RSF1: variants seen among roughly 807,000 people sequenced by gnomAD.
The protein encoded by RSF1 is remodeling and spacing factor 1, also known as HBV pX-associated protein 8.
RSF1 carries 13 observed loss-of-function variants against 145.2 expected under a neutral mutation model. That is an observed-to-expected ratio of 0.09 (90% confidence interval 0.06 to 0.14). RSF1 has a LOEUF of 0.14. Ranked by LOEUF, RSF1 falls within the 10% of genes least tolerant of loss-of-function variation. The pLI, the probability that RSF1 is intolerant of heterozygous loss-of-function variation, is 1.00. For synonymous variants in RSF1, 577 were observed against 592.6 expected (o/e 0.97, Z 0.38); for missense variants, 1,517 against 1,718.2 (o/e 0.88, Z 2.07).
chr11:77,674,477 G>A lies in RSF1; in HGVS notation c.3562+559C>T, dbSNP rs1339480774. On this transcript the variant is annotated intron_variant, in intron 14 of 15. Transcript: ENST00000308488. ...CAACAGCTGGGCATCTGAGGGAAAT[G>A]TTCACAGTTTATTGAGAATGATTTC... Among the ~76,000 whole-genome samples, 3 of 152,308 alleles carry A rather than the reference G, an allele frequency of 2.0e-5. No individual in the cohort carries two copies. The South Asian group carries it at 6.2e-4, about 32-fold the overall frequency.
intron 1 of RSF1, among the ~76,000 whole-genome samples, chr11:77,770,815 TA>T (rs1948274776): frequency 6.6e-6 from 1 of 152,220 alleles, no homozygotes; most frequent in African/African-American, 2.4e-5. Context: ...TGAAACCCTG[TA>T]AAACTGCAGC....
Position 77,667,059 on chromosome 11 carries a change from T to C in RSF1, c.4184A>G (p.Lys1395Arg), listed in dbSNP as rs772009982. ...GKPTEKSQTP[K>R]DNSTASASLA... is the part of the protein sequence containing the mutation. Reference sequence around the variant, plus strand: ...GCTTGCACTGGCTGTGCTGTTGTCCTTGGGGGTCTGAGACTTCTCAGTAGG... The same window carrying C: ...GCTTGCACTGGCTGTGCTGTTGTCCCTGGGGGTCTGAGACTTCTCAGTAGG... The change falls in exon 16 of 16, where the codon AAG becomes AGG. Residue 1395 changes from lysine to arginine, a missense_variant. Physicochemically the swap from Lys to Arg is conservative, Grantham distance 26. This residue lies in a region of RSF1 where 240 missense variants were observed against 231.8 expected (regional missense o/e 1.04). Transcript: ENST00000308488. 5 of 1,614,172 alleles carry C rather than the reference T, an allele frequency of 3.1e-6. No homozygotes were observed. The South Asian group carries it at 5.5e-5, about 18-fold the overall frequency.
rs1948303643 is a variant in RSF1, at chr11:77,772,998, G to A, written c.188-8309C>T. ...TATGAATCAAACCACTTTCTGCGCA[G>A]CTTTGTATCTGGTTTTTGATATTGG... On this transcript the variant is annotated intron_variant, in intron 1 of 15. Transcript: ENST00000308488. Among the ~76,000 whole-genome samples, 3 of 152,238 alleles carry A rather than the reference G, an allele frequency of 2.0e-5. No individual in the cohort carries two copies. In the South Asian group the frequency reaches 6.2e-4, roughly 32 times the overall value.
chr11:77,868,223 T>G, the RSF1 span, among the ~76,000 whole-genome samples: 26 of 150,796 alleles, frequency 1.7e-4, no homozygotes. Flanking sequence ...GCCCGGCTAA[T>G]TTTTTGTATG....
At chr11:77,800,517 T>C (rs563346681) in intron 1 of RSF1, among the ~76,000 whole-genome samples, 93 of 152,028 alleles carry the variant, frequency 6.1e-4, no homozygotes, top group African/African-American at 2.1e-3. Context: ...AAAAAAGTAT[T>C]TTCCACAAAG....
chr11:77,699,661 T>G (rs1372683127), intron 6 of RSF1, among the ~76,000 whole-genome samples: 1 of 152,188 alleles, frequency 6.6e-6, no homozygotes, highest in South Asian at 2.1e-4. Flanking sequence ...GGTAATAAGA[T>G]GCTATATTAA....
At chr11:77,735,670 C>CT (rs1961331424) in intron 4 of RSF1, among the ~76,000 whole-genome samples, 1 of 152,084 alleles carries the variant, frequency 6.6e-6, no homozygotes, top group Non-Finnish European at 1.5e-5. Flanking sequence ...CTAAATGCAA[C>CT]CTATTAAATG....
chr11:77,668,434 T>C (rs1393668090), intron 15 of RSF1, among the ~76,000 whole-genome samples: 1 of 152,214 alleles, frequency 6.6e-6, no homozygotes, highest in African/African-American at 2.4e-5. Flanking sequence ...TAAGGAAAGA[T>C]TCAAACTGGA....
intron 1 of RSF1, among the ~76,000 whole-genome samples, chr11:77,794,667 T>C (rs946928348): frequency 2.0e-5 from 3 of 151,860 alleles, no homozygotes; most frequent in Non-Finnish European, 4.4e-5. Context: ...TGATAAAAAC[T>C]CTCAACAAAC....
chr11:77,709,862 C>A (rs564612262), intron 5 of RSF1, among the ~76,000 whole-genome samples: 54 of 152,206 alleles, frequency 3.5e-4, no homozygotes, highest in Non-Finnish European at 1.3e-4. Flanking sequence ...AGAGTCATCA[C>A]GCCAGGCTAA....
intron 1 of RSF1, among the ~76,000 whole-genome samples, chr11:77,817,353 T>C (rs894700717): frequency 2.6e-5 from 4 of 152,240 alleles, no homozygotes; most frequent in Non-Finnish European, 5.9e-5. Flanking sequence ...TCCTCTTTCC[T>C]GCTGCATACT....
At chr11:77,772,726 A>G (rs1212919992) in intron 1 of RSF1, among the ~76,000 whole-genome samples, 1 of 152,076 alleles carries the variant, frequency 6.6e-6, no homozygotes, top group Admixed American at 6.6e-5. Context: ...TATTTGCCTT[A>G]TAACAAGGCA....
chr11:77,864,849 C>T, the RSF1 span, among the ~76,000 whole-genome samples: 1 of 152,138 alleles, frequency 6.6e-6, no homozygotes, highest in East Asian at 1.9e-4. Context: ...CATGGTGGCA[C>T]ATCTGTATTC....
intron 1 of RSF1, among the ~76,000 whole-genome samples, chr11:77,773,851 AGTG>A (rs1340618787): frequency 2.6e-5 from 4 of 152,198 alleles, no homozygotes; most frequent in African/African-American, 4.8e-5. Context: ...TGGCTAAAAA[AGTG>A]TTTTAAATTT....
chr11:77,690,972 C>T, intron 9 of RSF1, 187 bp downstream of exon 9: 4 of 522,146 alleles, frequency 7.7e-6, no homozygotes, highest in African/African-American at 1.9e-5. Flanking sequence ...AGTTTTTCCC[C>T]CCAATCATTT....
At chr11:77,813,820 G>GAAACAC (rs374331649) in intron 1 of RSF1, 1 of 168,980 alleles carries the variant, frequency 5.9e-6, no homozygotes, top group African/African-American at 2.5e-5. Flanking sequence ...TTTGTAAAAG[G>GAAACAC]ACACACACAC....
chr11:77,857,602 T>G, the RSF1 span, among the ~76,000 whole-genome samples: 1 of 152,196 alleles, frequency 6.6e-6, no homozygotes, highest in African/African-American at 2.4e-5. Flanking sequence ...AATTTTACTT[T>G]AAGTTCTCGG....
chr11:77,861,401 G>A, the RSF1 span, among the ~76,000 whole-genome samples: 1 of 152,216 alleles, frequency 6.6e-6, no homozygotes, highest in African/African-American at 2.4e-5. Flanking sequence ...GTCCAGGACA[G>A]GAGAGTAAGA....
chr11:77,785,676 G>C (rs904203513), intron 1 of RSF1, among the ~76,000 whole-genome samples: 1 of 151,700 alleles, frequency 6.6e-6, no homozygotes, highest in Non-Finnish European at 1.5e-5. Context: ...AATTGGACAG[G>C]CACAGTGGCT....
Sources: allele counts gnomAD v4.1 joint callset (sites outside exome capture counted in the v4.1 genomes callset), GRCh38; gene constraint gnomAD v4.1.1; regional missense constraint gnomAD v4.1.1; transcripts MANE v1.5; gene names NCBI Gene and HGNC (gene_info 2026-07-23, HGNC 2026-07-21).